ITGB3: variants seen among roughly 807,000 people sequenced by gnomAD.
ITGB3 encodes the protein integrin subunit beta 3.
A neutral mutation model predicts 85.8 loss-of-function variants in ITGB3; 48 were observed. The ratio of observed to expected loss-of-function variants is 0.56; its 90% CI spans 0.44 to 0.71. The LOEUF (loss-of-function observed/expected upper bound fraction) is 0.71, where lower values mean the gene tolerates loss of function less well. ITGB3 is among the 30% of genes least tolerant of loss of function. The pLI, the probability that ITGB3 is intolerant of heterozygous loss-of-function variation, is 0.00. For missense variants in ITGB3, 861 were observed against 1,019.1 expected (o/e 0.84, Z 2.11); for synonymous variants, 363 against 395.6 (o/e 0.92, Z 0.98).
At chr17:47,255,624 G>C (rs1452433970) in intron 1 of ITGB3, among the ~76,000 whole-genome samples, 1 of 151,894 alleles carries the variant, frequency 6.6e-6, no homozygotes, top group African/African-American at 2.4e-5. Flanking sequence ...ATTTCCCCAT[G>C]TTGGCCAGGA....
At chr17:47,266,886 A>G (rs981539175) in intron 1 of ITGB3, among the ~76,000 whole-genome samples, 10 of 152,078 alleles carry the variant, frequency 6.6e-5, no homozygotes, top group African/African-American at 2.4e-4. Context: ...TCGAAGACTA[A>G]TATTCCTAAC....
intron 1 of ITGB3, among the ~76,000 whole-genome samples, chr17:47,264,594 A>T (rs192387644): frequency 6.6e-6 from 1 of 152,018 alleles, no homozygotes; most frequent in Non-Finnish European, 1.5e-5. Context: ...AAAAAGCCAC[A>T]CTCTCTACCA....
intron 1 of ITGB3, among the ~76,000 whole-genome samples, chr17:47,272,056 ATTTTTTTT>A (rs58156465): frequency 1.9e-5 from 2 of 103,322 alleles, no homozygotes; most frequent in African/African-American, 7.7e-5. Context: ...CACCGGGGCT[ATTTTTTTT>A]TTTTTTTTTT....
At chr17:47,296,518 G>A (rs2065146563) in intron 10 of ITGB3, among the ~76,000 whole-genome samples, 1 of 152,190 alleles carries the variant, frequency 6.6e-6, no homozygotes, top group South Asian at 2.1e-4. Flanking sequence ...ACAGGCATGA[G>A]CCACCATGCT....
intron 2 of ITGB3, among the ~76,000 whole-genome samples, chr17:47,275,777 G>C (rs932823963): frequency 5.3e-5 from 8 of 152,234 alleles, no homozygotes; most frequent in Non-Finnish European, 1.0e-4. Flanking sequence ...ACTGCTTCCA[G>C]AGGCAGCTGC....
At chr17:47,270,188 G>A (rs1194735945) in intron 1 of ITGB3, among the ~76,000 whole-genome samples, 1 of 152,162 alleles carries the variant, frequency 6.6e-6, no homozygotes. Flanking sequence ...GTTTTGGGTG[G>A]AGACACAGCC....
At chr17:47,285,929 A>G (rs969831328) in intron 4 of ITGB3, among the ~76,000 whole-genome samples, 1 of 152,164 alleles carries the variant, frequency 6.6e-6, no homozygotes, top group Non-Finnish European at 1.5e-5. Context: ...CTTATGGGAT[A>G]TGTGCTATCC....
At chr17:47,274,274 G>A in intron 1 of ITGB3, 145 bp from the exon 2 acceptor site, 1 of 749,246 alleles carries the variant, frequency 1.3e-6, no homozygotes, top group South Asian at 1.4e-5. Context: ...CCTGTATTTG[G>A]TAGACGTCTG....
At chr17:47,268,414 T>C (rs1440258025) in intron 1 of ITGB3, among the ~76,000 whole-genome samples, 1 of 152,186 alleles carries the variant, frequency 6.6e-6, no homozygotes, top group Non-Finnish European at 1.5e-5. Context: ...GACTGTAAAA[T>C]TGAAAGCAAA....
At position 47,253,940 on chromosome 17, in the gene ITGB3, G is replaced by T; in HGVS notation, c.79G>T (p.Gly27Trp). The T allele has an allele frequency of 7.0e-7, 1 of 1,418,758 alleles. No homozygotes were observed. The highest frequency in any genetic ancestry group is 1.4e-5 in the South Asian group (1 of 69,742). The allele number at this position is 1,418,758 out of a possible 1,614,324, so 87.9% of individuals were successfully genotyped here. A position where few individuals can be genotyped will look rare whatever the true frequency, so the allele number is the denominator to read the frequency against. Residue 27 changes from glycine (G) to tryptophan (W), a missense_variant and splice_region_variant, in exon 1 of 15, where the codon GGG (glycine) becomes TGG (tryptophan). Coordinates refer to ENST00000559488, the MANE Select transcript of ITGB3 (RefSeq NM_000212.3). Reference sequence around the variant, plus strand: ...GGCGCTGGCGGGCGTTGGCGTAGGAGGTGAGTGAGGCTCCGGCTCGGCAGC... The same window carrying T: ...GGCGCTGGCGGGCGTTGGCGTAGGATGTGAGTGAGGCTCCGGCTCGGCAGC... The part of the protein sequence containing the change: ...LGALAGVGVG[G>W]PNICTTRGVS...
intron 14 of ITGB3, among the ~76,000 whole-genome samples, chr17:47,309,794 C>T (rs1256564025): frequency 6.7e-6 from 1 of 149,536 alleles, no homozygotes; most frequent in Non-Finnish European, 1.5e-5. Context: ...ACTTGGGAGG[C>T]TGAGGTGGGA....
intron 14 of ITGB3, among the ~76,000 whole-genome samples, chr17:47,308,184 T>TAATAATAATAATAATAA (rs151170176): frequency 1.2e-4 from 18 of 148,694 alleles, no homozygotes; most frequent in African/African-American, 4.0e-4. Flanking sequence ...ATAATAATAA[T>TAATAATAATAATAATAA]AATAAAATAA....
chr17:47,255,871 A>C (rs1334819908), intron 1 of ITGB3, among the ~76,000 whole-genome samples: 1 of 152,134 alleles, frequency 6.6e-6, no homozygotes, highest in Non-Finnish European at 1.5e-5. Context: ...AGAAATAAGA[A>C]TCTCCAGCAT....
chr17:47,268,447 G>A (rs764442639), intron 1 of ITGB3, among the ~76,000 whole-genome samples: 10 of 152,178 alleles, frequency 6.6e-5, no homozygotes, highest in East Asian at 3.8e-4. Context: ...TAGATACAAC[G>A]GGAGTGGAGG....
chr17:47,292,459 C>G lies in ITGB3; in HGVS notation c.1581C>G (p.Cys527Trp), dbSNP rs1283167300. 6.2e-7 allele frequency: 1 copy of G among 1,609,934 alleles called. No homozygotes were observed. The highest frequency in any genetic ancestry group is 1.7e-5 in the Admixed American group (1 of 59,940). Reference sequence around the variant, plus strand: ...CCGTCTGCAGCCAGCGGGGCGAGTGCCTCTGTGGTCAATGTGTCTGCCACA... The same window carrying G: ...CCGTCTGCAGCCAGCGGGGCGAGTGGCTCTGTGGTCAATGTGTCTGCCACA... Reference protein sequence around the residue: ...GQPVCSQRGECLCGQCVCHSS... With the variant: ...GQPVCSQRGEWLCGQCVCHSS... The change falls in exon 10 of 15, where the codon TGC (cysteine) becomes TGG (tryptophan). Residue 527 changes from cysteine (C) to tryptophan (W), a missense_variant. Physicochemically the swap from Cys to Trp is radical, Grantham distance 215. Transcript: ENST00000559488.
rs2065093810 is a variant in ITGB3 at position 47,284,030 on chromosome 17, T to C, written c.362-413T>C. The stretch of plus-strand genomic sequence containing the variant: ...GACTAAAGACAGAAATTTTGAAGCA[T>C]TGATTTTGACTTTCCAACTAAGTCA... On this transcript the variant is annotated intron_variant, in intron 3 of 14. Transcript: ENST00000559488. Among the ~76,000 whole-genome samples the C allele has an allele frequency of 2.0e-5, 3 of 152,180 alleles. No individual in the cohort carries two copies. In the South Asian group the frequency reaches 6.2e-4, roughly 32 times the overall value.
intron 2 of ITGB3, among the ~76,000 whole-genome samples, chr17:47,274,822 T>C (rs549810517): frequency 6.6e-6 from 1 of 152,294 alleles, no homozygotes; most frequent in East Asian, 1.9e-4. Flanking sequence ...TATTTTAAAT[T>C]TTTTGGTAGA....
Position 47,283,073 on chromosome 17 carries a change from C to CAT in ITGB3, c.166-281_166-280insAT, listed in dbSNP as rs200296331. Among the ~76,000 whole-genome samples the CAT allele has an allele frequency of 5.6e-5, 8 of 143,988 alleles. No individual in the cohort carries two copies. The East Asian group carries it at 8.0e-4, about 14-fold the overall frequency. 94.5% of individuals were successfully genotyped at this position (143,988 alleles called of 152,430 possible). On this transcript the variant is annotated intron_variant, in intron 2 of 14. Coordinates refer to ENST00000559488, the MANE Select transcript of ITGB3 (RefSeq NM_000212.3). ...TATCTCAATTTCTCTTTTCTTTTTC[C>CAT]TTTTTTTTTTTTTGGTAGAGACGGG...
chr17:47,270,809 G>T (rs1296199140), intron 1 of ITGB3, among the ~76,000 whole-genome samples: 1 of 152,180 alleles, frequency 6.6e-6, no homozygotes, highest in Non-Finnish European at 1.5e-5. Flanking sequence ...GGAAACCTGG[G>T]GCTTCCAGGA....
Sources: gnomAD v4.1 joint callset for allele counts (sites outside exome capture counted in the v4.1 genomes callset) on GRCh38, gnomAD v4.1.1 for gene constraint, MANE v1.5 for transcripts, NCBI Gene and HGNC (gene_info 2026-07-23, HGNC 2026-07-21) for gene names.